ATRNL1: variants seen among roughly 807,000 people sequenced by gnomAD.
ATRNL1 encodes attractin like 1.
A neutral mutation model predicts 182.7 loss-of-function variants in ATRNL1; 95 were observed. That is an observed-to-expected ratio of 0.52 (90% confidence interval 0.44 to 0.62). ATRNL1 has a LOEUF of 0.62. Ranked by LOEUF, ATRNL1 falls within the 20% of genes least tolerant of loss-of-function variation. The pLI, the probability that ATRNL1 is intolerant of heterozygous loss-of-function variation, is 0.00. For synonymous variants in ATRNL1, 576 were observed against 568.3 expected, an observed-to-expected ratio of 1.01 and a Z score of -0.19; for missense variants, 1,471 against 1,679.5, an observed-to-expected ratio of 0.88 and a Z score of 2.17.
intron 27 of ATRNL1, among the ~76,000 whole-genome samples, chr10:115,730,767 A>G (rs1376011587): frequency 6.6e-6 from 1 of 152,138 alleles, no homozygotes; most frequent in Non-Finnish European, 1.5e-5. Flanking sequence ...ATAGAGGGAC[A>G]GAACTAATAG....
chr10:115,199,114 A>G (rs1848462326), intron 8 of ATRNL1, among the ~76,000 whole-genome samples: 1 of 152,130 alleles, frequency 6.6e-6, no homozygotes, highest in Non-Finnish European at 1.5e-5. Flanking sequence ...TTATAACAAT[A>G]TTAATTTTTC....
rs76650046 is a variant in ATRNL1, at chr10:115,131,729, T to A, written c.829+2194T>A. 3.1e-3 allele frequency among the ~76,000 whole-genome samples: 466 copies of A among 152,304 alleles called. 5 individuals are homozygous for A. The East Asian group carries it at 0.038, about 12-fold the overall frequency. On this transcript the variant is annotated intron_variant, in intron 5 of 28. Transcript: ENST00000355044. ...TTTTATACAAGGTGTTATTTGGAACTGGATTATTTAGGTTAGAGTAACAGA... is the reference window on the plus strand; with the variant it reads ...TTTTATACAAGGTGTTATTTGGAACAGGATTATTTAGGTTAGAGTAACAGA...
chr10:115,353,587 C>T (rs560662595), intron 19 of ATRNL1, among the ~76,000 whole-genome samples: 46 of 152,266 alleles, frequency 3.0e-4, no homozygotes, highest in African/African-American at 1.1e-3. Context: ...AAGGTTAGGA[C>T]TTAACTACTT....
At chr10:115,818,580 T>C (rs1210171645) in intron 27 of ATRNL1, among the ~76,000 whole-genome samples, 2 of 152,160 alleles carry the variant, frequency 1.3e-5, no homozygotes, top group Non-Finnish European at 2.9e-5. Flanking sequence ...AAGGTTATTT[T>C]CTAGAAATTA....
At chr10:115,232,613 T>G (rs1850002972) in intron 9 of ATRNL1, among the ~76,000 whole-genome samples, 1 of 152,270 alleles carries the variant, frequency 6.6e-6, no homozygotes, top group African/African-American at 2.4e-5. Context: ...GCTTAAATAA[T>G]ACTTACTTAC....
At chr10:115,911,120 T>C (rs1952664557) in intron 28 of ATRNL1, among the ~76,000 whole-genome samples, 1 of 151,988 alleles carries the variant, frequency 6.6e-6, no homozygotes, top group African/African-American at 2.4e-5. Flanking sequence ...TTCTCATGGC[T>C]CAGCCTTTGC....
intron 5 of ATRNL1, among the ~76,000 whole-genome samples, chr10:115,152,893 A>G (rs1564779360): frequency 6.6e-6 from 1 of 152,100 alleles, no homozygotes; most frequent in Admixed American, 6.5e-5. Flanking sequence ...CATCCCATCA[A>G]TACCGAATTT....
intron 28 of ATRNL1, among the ~76,000 whole-genome samples, chr10:115,890,442 G>A (rs2067980116): frequency 6.6e-6 from 1 of 152,120 alleles, no homozygotes; most frequent in Admixed American, 6.5e-5. Context: ...GTTAAGATTT[G>A]CAGTAATGGT....
At chr10:115,680,401 C>G (rs1946009089) in intron 26 of ATRNL1, among the ~76,000 whole-genome samples, 1 of 152,022 alleles carries the variant, frequency 6.6e-6, no homozygotes, top group Admixed American at 6.6e-5. Flanking sequence ...TGCTTTGGCC[C>G]AGAAATAATA....
chr10:115,162,510 G>C (rs1272465961), intron 6 of ATRNL1, among the ~76,000 whole-genome samples: 1 of 151,884 alleles, frequency 6.6e-6, no homozygotes, highest in African/African-American at 2.4e-5. Flanking sequence ...GATAACAGAG[G>C]AGAGAGACAG....
intron 27 of ATRNL1, among the ~76,000 whole-genome samples, chr10:115,779,784 C>T (rs551736353): frequency 6.6e-5 from 10 of 152,252 alleles, no homozygotes; most frequent in Admixed American, 4.6e-4. Flanking sequence ...TCTGCCTTAG[C>T]CTTCCTCTAG....
At position 115,118,332 on chromosome 10, in the gene ATRNL1, A is replaced by G. The variant is rs187635253; in HGVS notation, c.294-1853A>G. ...TTTCTTGTAGTAGTTTCATATGCTT[A>G]ACTACCTGTTATTATGCTAGACATT... On this transcript the variant is annotated intron_variant, in intron 1 of 28. Transcript: ENST00000355044. Among the ~76,000 whole-genome samples, 559 of 152,200 alleles carry G rather than the reference A, an allele frequency of 3.7e-3. 3 individuals carry two copies. Among genetic ancestry groups the G allele is most frequent in the Non-Finnish European group, 6.3e-3 (429 of 67,976 alleles).
At chr10:115,421,944 G>A (rs530832971) in intron 20 of ATRNL1, among the ~76,000 whole-genome samples, 1 of 152,240 alleles carries the variant, frequency 6.6e-6, no homozygotes, top group South Asian at 2.1e-4. Context: ...AAGTAGTGAT[G>A]AAAGGACTCC....
chr10:115,678,591 A>G (rs1335885033), intron 26 of ATRNL1, among the ~76,000 whole-genome samples: 1 of 152,130 alleles, frequency 6.6e-6, no homozygotes, highest in Non-Finnish European at 1.5e-5. Flanking sequence ...ATCTATAATC[A>G]TTCTTATGCA....
At chr10:115,446,415 C>A (rs1210676611) in intron 21 of ATRNL1, among the ~76,000 whole-genome samples, 1 of 151,636 alleles carries the variant, frequency 6.6e-6, no homozygotes, top group African/African-American at 2.4e-5. Context: ...TTATTGTAAT[C>A]TTTGGTGTTA....
At chr10:115,432,814 A>G (rs575966300) in intron 21 of ATRNL1, among the ~76,000 whole-genome samples, 2 of 152,196 alleles carry the variant, frequency 1.3e-5, no homozygotes, top group South Asian at 2.1e-4. Context: ...ACAAAGTAGT[A>G]TAGTTTTTTT....
chr10:115,314,177 A>G, intron 17 of ATRNL1, among the ~76,000 whole-genome samples: 1 of 152,314 alleles, frequency 6.6e-6, no homozygotes, highest in East Asian at 1.9e-4. Flanking sequence ...CTCAAAGAGT[A>G]TTCTTCCTTT....
At chr10:115,498,412 T>G (rs565778213) in intron 24 of ATRNL1, among the ~76,000 whole-genome samples, 1 of 152,198 alleles carries the variant, frequency 6.6e-6, no homozygotes, top group Admixed American at 6.5e-5. Context: ...TCAACTTGGG[T>G]TTTAAAATTT....
chr10:115,527,996 C>T (rs12775254), intron 25 of ATRNL1, among the ~76,000 whole-genome samples: 24,848 of 53,764 alleles, frequency 0.46, 5,859 homozygotes, highest in Middle Eastern at 0.55. Flanking sequence ...CTCCCTCCCT[C>T]CCTTCCTTCC....
Sources: allele counts gnomAD v4.1 joint callset (sites outside exome capture counted in the v4.1 genomes callset), GRCh38; gene constraint gnomAD v4.1.1; transcripts MANE v1.5; gene names NCBI Gene and HGNC (gene_info 2026-07-23, HGNC 2026-07-21).